Variants in COL24A1 observed in about 807,000 individuals in gnomAD.
The protein encoded by COL24A1 is collagen alpha-1(XXIV) chain.
Under a neutral mutation model 253.9 loss-of-function variants are expected in COL24A1, and 224 were observed. The ratio of observed to expected loss-of-function variants is 0.88; its 90% CI spans 0.79 to 0.99. The LOEUF (loss-of-function observed/expected upper bound fraction) is 0.99, where lower values mean the gene tolerates loss of function less well. Among genes scored for constraint, COL24A1 ranks in the 50% least tolerant of loss-of-function variants. COL24A1 has a pLI of 0.00. For synonymous variants in COL24A1, 685 were observed against 673.7 expected (o/e 1.02, Z -0.26); for missense variants, 2,131 against 2,068.5 (o/e 1.03, Z -0.59).
rs1571350551 is a variant in COL24A1, at chr1:85,953,322, CCCTA to C, written c.2562+7923_2562+7926del. Among the ~76,000 whole-genome samples, 4 of 152,142 alleles carry C rather than the reference CCCTA, an allele frequency of 2.6e-5. No individual in the cohort carries two copies. In the East Asian group the frequency reaches 7.7e-4, roughly 29 times the overall value. ...AGTTGTGATTAACACTTTATAATAT[CCCTA>C]CCTAAGAGAATAGTAACATGTTTTT... On this transcript the variant is annotated intron_variant, in intron 24 of 59. Transcript: ENST00000370571.
At chr1:86,076,068 A>G (rs1413441064) in intron 7 of COL24A1, among the ~76,000 whole-genome samples, 1 of 152,220 alleles carries the variant, frequency 6.6e-6, no homozygotes, top group Non-Finnish European at 1.5e-5. Flanking sequence ...AGAAAGAAAT[A>G]AAGCATAATC....
rs369171184 is a variant in COL24A1 at position 86,125,504 on chromosome 1, C to A, written c.832G>T (p.Val278Leu). The A allele has an allele frequency of 1.2e-6, 2 of 1,613,570 alleles. No individual in the cohort carries two copies. Among genetic ancestry groups the A allele is most frequent in the South Asian group, 2.2e-5 (2 of 91,076 alleles). ...SPPPKLFAEK[V>L]LSEDTFTEGK... Reference sequence around the variant, plus strand: ...TCAGTAAATGTATCCTCTGACAGTACTTTTTCAGCAAATAGTTTGGGCGGG... The same window carrying A: ...TCAGTAAATGTATCCTCTGACAGTAATTTTTCAGCAAATAGTTTGGGCGGG... Residue 278 changes from valine to leucine, a missense_variant, in exon 3 of 60, where the codon GTA becomes TTA. Transcript: ENST00000370571.
chr1:85,994,666 G>A (rs1694605573), intron 19 of COL24A1, among the ~76,000 whole-genome samples: 1 of 152,124 alleles, frequency 6.6e-6, no homozygotes, highest in African/African-American at 2.4e-5. Flanking sequence ...TACTGAGTGA[G>A]AATAACCTAT....
Position 85,730,332 on chromosome 1 carries a change from T to C in COL24A1, c.*214A>G, listed in dbSNP as rs1663351271. On this transcript the variant is annotated 3_prime_UTR_variant, in exon 60 of 60. Transcript: ENST00000370571. The stretch of plus-strand genomic sequence containing the variant: ...TTCTCTAAGAAAGCTGAGATGAATA[T>C]AATTTTTAAAAGAATTAAATACTTT... 1 of 395,104 alleles carries C rather than the reference T, an allele frequency of 2.5e-6. No individual in the cohort carries two copies. Among genetic ancestry groups the C allele is most frequent in the Admixed American group, 4.0e-5 (1 of 24,920 alleles). The allele number at this position is 395,104 out of a possible 1,614,324, so 24.5% of individuals were successfully genotyped here.
chr1:86,134,249 T>C (rs1415648805), intron 2 of COL24A1, among the ~76,000 whole-genome samples: 1 of 149,322 alleles, frequency 6.7e-6, no homozygotes, highest in African/African-American at 2.4e-5. Context: ...TTTTCTTCTT[T>C]ATTGGTCTTG....
At chr1:86,095,206 A>T (rs1179836014) in intron 5 of COL24A1, among the ~76,000 whole-genome samples, 2 of 152,076 alleles carry the variant, frequency 1.3e-5, no homozygotes, top group Non-Finnish European at 2.9e-5. Context: ...TCTTAATATC[A>T]TCAAATAATT....
chr1:85,754,612 T>C (rs922460076), intron 55 of COL24A1, among the ~76,000 whole-genome samples: 4 of 128,010 alleles, frequency 3.1e-5, no homozygotes, highest in African/African-American at 1.2e-4. Context: ...GTAGAGAATA[T>C]AATAAAAGCA....
At chr1:86,047,082 A>G (rs1346422669) in intron 11 of COL24A1, among the ~76,000 whole-genome samples, 1 of 152,208 alleles carries the variant, frequency 6.6e-6, no homozygotes, top group Non-Finnish European at 1.5e-5. Flanking sequence ...TTATTCAGGA[A>G]TCTATCCCAT....
At chr1:85,918,685 C>A (rs1686154498) in intron 24 of COL24A1, among the ~76,000 whole-genome samples, 1 of 152,098 alleles carries the variant, frequency 6.6e-6, no homozygotes, top group Non-Finnish European at 1.5e-5. Flanking sequence ...CTGAGGTCTG[C>A]CAAATTTCAT....
intron 47 of COL24A1, among the ~76,000 whole-genome samples, chr1:85,791,871 C>A (rs1425859808): frequency 1.3e-5 from 2 of 151,924 alleles, no homozygotes; most frequent in Non-Finnish European, 2.9e-5. Flanking sequence ...GCTTTAAAAA[C>A]AAAATTCTTA....
intron 14 of COL24A1, chr1:86,030,659 A>T (rs1246786145): frequency 6.6e-6 from 1 of 152,236 alleles, no homozygotes; most frequent in Admixed American, 6.5e-5. Flanking sequence ...GCCTGCAGCC[A>T]CTTGGCAGAA....
intron 19 of COL24A1, among the ~76,000 whole-genome samples, chr1:85,987,877 C>T (rs571414017): frequency 2.6e-5 from 4 of 151,906 alleles, no homozygotes; most frequent in African/African-American, 9.6e-5. Context: ...CACAAACAAT[C>T]CTGAGGTCCT....
At chr1:85,740,013 C>T (rs1356707594) in intron 57 of COL24A1, among the ~76,000 whole-genome samples, 3 of 152,150 alleles carry the variant, frequency 2.0e-5, no homozygotes, top group Non-Finnish European at 2.9e-5. Flanking sequence ...ATGTTCACTT[C>T]CCTTCTTACC....
intron 42 of COL24A1, among the ~76,000 whole-genome samples, chr1:85,838,955 G>A (rs313698): frequency 6.6e-6 from 1 of 152,082 alleles, no homozygotes; most frequent in African/African-American, 2.4e-5. Context: ...GTCCCAGCAC[G>A]TTGGGAGGCT....
At chr1:85,967,773 C>A (rs910102778) in intron 22 of COL24A1, among the ~76,000 whole-genome samples, 2 of 152,110 alleles carry the variant, frequency 1.3e-5, no homozygotes, top group South Asian at 4.1e-4. Context: ...ATAGGGTTTG[C>A]GCTCCTATGA....
chr1:85,833,721 G>A (rs1202945742), intron 43 of COL24A1, among the ~76,000 whole-genome samples: 2 of 152,072 alleles, frequency 1.3e-5, no homozygotes, highest in South Asian at 2.1e-4. Context: ...CAACCCAAAT[G>A]TCCAACAACG....
intron 2 of COL24A1, among the ~76,000 whole-genome samples, chr1:86,130,777 C>T (rs1649048689): frequency 2.0e-5 from 3 of 151,988 alleles, no homozygotes; most frequent in Admixed American, 2.0e-4. Context: ...TATTCTTCCT[C>T]TCTTCTCCTA....
chr1:85,764,911 C>T (rs1667207603), intron 53 of COL24A1, among the ~76,000 whole-genome samples: 1 of 152,052 alleles, frequency 6.6e-6, no homozygotes, highest in Admixed American at 6.6e-5. Context: ...TCTGCATGAC[C>T]TACCTCATGT....
intron 7 of COL24A1, among the ~76,000 whole-genome samples, chr1:86,081,476 A>G (rs1702637280): frequency 6.6e-6 from 1 of 152,172 alleles, no homozygotes; most frequent in Non-Finnish European, 1.5e-5. Flanking sequence ...ATTTGTTTTA[A>G]AATTCCTATG....
Sources: gnomAD v4.1 joint callset for allele counts (sites outside exome capture counted in the v4.1 genomes callset) on GRCh38, gnomAD v4.1.1 for gene constraint, MANE v1.5 for transcripts, NCBI Gene and HGNC (gene_info 2026-07-23, HGNC 2026-07-21) for gene names.